The following SLC16A10 variants were observed in gnomAD, a reference collection of about 807,000 sequenced individuals.
The protein encoded by SLC16A10 is solute carrier family 16 member 10.
A neutral mutation model predicts 40.0 loss-of-function variants in SLC16A10; 27 were observed. The observed-to-expected ratio is 0.67, with a 90% confidence interval of 0.50 to 0.93. The LOEUF (loss-of-function observed/expected upper bound fraction) is 0.93, where lower values mean the gene tolerates loss of function less well. SLC16A10 is among the 40% of genes least tolerant of loss of function. The pLI is 0.00. For synonymous variants in SLC16A10, 213 were observed against 249.8 expected, an observed-to-expected ratio of 0.85 and a Z score of 1.39; for missense variants, 529 against 658.2, an observed-to-expected ratio of 0.80 and a Z score of 2.15.
At chr6:111,178,828 G>C (rs1562423739) in intron 3 of SLC16A10, 2 of 180,358 alleles carry the variant, frequency 1.1e-5, no homozygotes, top group African/African-American at 2.4e-5. Context: ...GGACTATCAG[G>C]CTACATCCTG....
At chr6:111,140,505 G>C (rs1459852803) in intron 1 of SLC16A10, among the ~76,000 whole-genome samples, 1 of 151,588 alleles carries the variant, frequency 6.6e-6, no homozygotes, top group Non-Finnish European at 1.5e-5. Flanking sequence ...CAGCCCAACT[G>C]CACTTCTTCA....
At chr6:111,155,330 A>C (rs1052217783) in intron 1 of SLC16A10, among the ~76,000 whole-genome samples, 1 of 151,174 alleles carries the variant, frequency 6.6e-6, no homozygotes, top group Non-Finnish European at 1.5e-5. Flanking sequence ...CAACAGGTGC[A>C]TGCCACCGTG....
At chr6:111,104,148 A>G (rs1771239780) in intron 1 of SLC16A10, among the ~76,000 whole-genome samples, 1 of 152,198 alleles carries the variant, frequency 6.6e-6, no homozygotes, top group Admixed American at 6.5e-5. Flanking sequence ...TGGGGAACGG[A>G]AGATCTAAAT....
At chr6:111,181,242 A>G (rs2114553098) in intron 3 of SLC16A10, among the ~76,000 whole-genome samples, 1 of 151,918 alleles carries the variant, frequency 6.6e-6, no homozygotes, top group Non-Finnish European at 1.5e-5. Context: ...AAAGTTCTGA[A>G]GTAAGACAGA....
At position 111,224,635 on chromosome 6, in the gene SLC16A10, A is replaced by G. The variant is rs977702077; in HGVS notation, c.*2400A>G. 6.6e-6 allele frequency: 1 copy of G among 152,250 alleles called. No individual in the cohort carries two copies. Among genetic ancestry groups the G allele is most frequent in the African/African-American group, 2.4e-5 (1 of 41,476 alleles). 9.4% of individuals were successfully genotyped at this position (152,250 alleles called of 1,614,324 possible). On this transcript the variant is annotated 3_prime_UTR_variant, in exon 6 of 6. Transcript: ENST00000368851. ...ACTCTGCTATAATAATATAAAATTA[A>G]GAAGAAAAAGTATAAACGTAAGATG...
At chr6:111,143,070 G>T (rs758639755) in intron 1 of SLC16A10, among the ~76,000 whole-genome samples, 1 of 152,110 alleles carries the variant, frequency 6.6e-6, no homozygotes, top group African/African-American at 2.4e-5. Context: ...AAAAGACATG[G>T]AGGAACCTTT....
intron 3 of SLC16A10, among the ~76,000 whole-genome samples, chr6:111,202,416 T>C (rs1274387501): frequency 2.0e-5 from 3 of 152,034 alleles, no homozygotes; most frequent in Non-Finnish European, 4.4e-5. Context: ...AGGTCGAGGC[T>C]GCAGTGAGCT....
chr6:111,094,999 A>G (rs1032743598), intron 1 of SLC16A10, among the ~76,000 whole-genome samples: 4 of 152,204 alleles, frequency 2.6e-5, no homozygotes, highest in Non-Finnish European at 5.9e-5. Context: ...GCTTGTCCTC[A>G]GTTGTACATC....
At chr6:111,104,878 C>G (rs1464972353) in intron 1 of SLC16A10, among the ~76,000 whole-genome samples, 1 of 151,612 alleles carries the variant, frequency 6.6e-6, no homozygotes, top group South Asian at 2.1e-4. Flanking sequence ...TAGCTGCTGC[C>G]ACCTCTTAGC....
At chr6:111,123,674 T>C (rs2114478230) in intron 1 of SLC16A10, among the ~76,000 whole-genome samples, 1 of 152,298 alleles carries the variant, frequency 6.6e-6, no homozygotes, top group East Asian at 1.9e-4. Flanking sequence ...CTGATGTAGG[T>C]CTAAGGGGCA....
chr6:111,176,353 A>C (rs1772684329), intron 2 of SLC16A10, among the ~76,000 whole-genome samples: 1 of 152,354 alleles, frequency 6.6e-6, no homozygotes, highest in Non-Finnish European at 1.5e-5. Flanking sequence ...TACTACTGAT[A>C]GCCTTTTCAA....
intron 3 of SLC16A10, among the ~76,000 whole-genome samples, chr6:111,182,437 A>C: frequency 6.9e-6 from 1 of 144,060 alleles, no homozygotes; most frequent in Non-Finnish European, 1.5e-5. Context: ...TTCTTTGCTC[A>C]CTTCTTCTTT....
chr6:111,100,984 CTCTCTCTCTATATA>C (rs1425688844), intron 1 of SLC16A10, among the ~76,000 whole-genome samples: 1,852 of 103,146 alleles, frequency 0.018, 33 homozygotes, highest in African/African-American at 0.058. Flanking sequence ...CTCTCTCTCT[CTCTCTCTCTATATA>C]TATATATATA....
chr6:111,130,728 C>T lies in SLC16A10; in HGVS notation c.344-41967C>T, dbSNP rs1322113059. ...GGCTATTATCCATGCTCCCACCTGCCCATCTCTGCTCTGATATAATCTACT... is the reference window on the plus strand; with the variant it reads ...GGCTATTATCCATGCTCCCACCTGCTCATCTCTGCTCTGATATAATCTACT... On this transcript the variant is annotated intron_variant, in intron 1 of 5. Transcript: ENST00000368851. 2.0e-5 allele frequency among the ~76,000 whole-genome samples: 3 copies of T among 152,200 alleles called. No homozygotes were observed. In the East Asian group the frequency reaches 5.8e-4, roughly 29 times the overall value.
chr6:111,141,603 G>A (rs943246856), intron 1 of SLC16A10, among the ~76,000 whole-genome samples: 2 of 151,976 alleles, frequency 1.3e-5, no homozygotes, highest in African/African-American at 4.8e-5. Flanking sequence ...CAGAGGTTGT[G>A]ATGAGCCGAG....
chr6:111,139,032 A>T (rs989401838), intron 1 of SLC16A10, among the ~76,000 whole-genome samples: 2 of 148,964 alleles, frequency 1.3e-5, no homozygotes, highest in African/African-American at 2.5e-5. Flanking sequence ...ACCTTCTGAG[A>T]TACTTTTCCC....
rs1771003562 is a variant in SLC16A10, at chr6:111,226,848, A to G, written c.*4613A>G. ...CTTTACTGACTTAATCATTAGTTCT[A>G]AGGCCATGTGTGGCGGCTCACGCCT... is the stretch of plus-strand genomic sequence containing the variant. On this transcript the variant is annotated 3_prime_UTR_variant, in exon 6 of 6. Transcript: ENST00000368851. 1.3e-5 allele frequency: 2 copies of G among 152,346 alleles called. No homozygotes were observed. The highest frequency in any genetic ancestry group is 3.4e-3 in the Middle Eastern group (1 of 294). The allele number at this position is 152,346 out of a possible 1,614,324, so 9.4% of individuals were successfully genotyped here. A position where few individuals can be genotyped will look rare whatever the true frequency, so the allele number is the denominator to read the frequency against.
At chr6:111,133,424 A>T (rs1771820800) in intron 1 of SLC16A10, among the ~76,000 whole-genome samples, 1 of 152,192 alleles carries the variant, frequency 6.6e-6, no homozygotes, top group Non-Finnish European at 1.5e-5. Flanking sequence ...ATTCTGGAGA[A>T]TTGGGACCAA....
intron 1 of SLC16A10, among the ~76,000 whole-genome samples, chr6:111,162,546 C>A (rs190218135): frequency 9.2e-5 from 14 of 152,244 alleles, no homozygotes; most frequent in Admixed American, 8.5e-4. Flanking sequence ...CACACCCTTC[C>A]AGTCAAAGCC....
Sources: gnomAD v4.1 joint callset for allele counts (sites outside exome capture counted in the v4.1 genomes callset) on GRCh38, gnomAD v4.1.1 for gene constraint, MANE v1.5 for transcripts, NCBI Gene and HGNC (gene_info 2026-07-23, HGNC 2026-07-21) for gene names.